The following SYN3 variants were observed in gnomAD, a reference collection of about 807,000 sequenced individuals.
The protein encoded by SYN3 is synapsin III, also known as synapsin-3.
In SYN3, 35 loss-of-function variants were observed where a neutral mutation model predicts 65.8. The ratio of observed to expected loss-of-function variants is 0.53; its 90% CI spans 0.41 to 0.70. SYN3 has a LOEUF of 0.70. SYN3 is among the 30% of genes least tolerant of loss of function. The pLI is 0.00. For missense variants in SYN3, 680 were observed against 749.0 expected, an observed-to-expected ratio of 0.91 and a Z score of 1.08; for synonymous variants, 270 against 292.9, an observed-to-expected ratio of 0.92 and a Z score of 0.80.
chr22:32,768,839 C>T (rs541651888), intron 6 of SYN3, among the ~76,000 whole-genome samples: 4 of 152,210 alleles, frequency 2.6e-5, no homozygotes, highest in East Asian at 1.9e-4. Flanking sequence ...TTCTCAGTGA[C>T]GATGATTTTG....
intron 6 of SYN3, among the ~76,000 whole-genome samples, chr22:32,713,843 A>G (rs891329533): frequency 6.6e-6 from 1 of 151,982 alleles, no homozygotes. Context: ...AAAAAAAAAA[A>G]AAAAGAAAAC....
intron 7 of SYN3, among the ~76,000 whole-genome samples, chr22:32,546,444 G>A (rs774472375): frequency 2.0e-5 from 3 of 152,174 alleles, no homozygotes; most frequent in Admixed American, 1.3e-4. Context: ...TCTTGGGTAG[G>A]TGCTACGCTC....
chr22:32,518,488 T>A, intron 12 of SYN3, 154 bp from the exon 13 acceptor site: 1 of 887,310 alleles, frequency 1.1e-6, no homozygotes, highest in Non-Finnish European at 1.8e-6. Context: ...CATAAGGAAG[T>A]AATTAGGAAC....
chr22:32,952,889 G>C (rs1395655846), intron 3 of SYN3, among the ~76,000 whole-genome samples: 1 of 152,212 alleles, frequency 6.6e-6, no homozygotes, highest in Admixed American at 6.5e-5. Flanking sequence ...CTGCCTTGCT[G>C]TACAACTTTG....
chr22:33,023,161 G>A (rs1256351977), intron 1 of SYN3, among the ~76,000 whole-genome samples: 1 of 152,174 alleles, frequency 6.6e-6, no homozygotes, highest in Admixed American at 6.5e-5. Flanking sequence ...ACCAGCTTGG[G>A]AAACGCAGGG....
chr22:32,885,113 C>T (rs1373025199), intron 4 of SYN3, among the ~76,000 whole-genome samples: 1 of 151,244 alleles, frequency 6.6e-6, no homozygotes, highest in African/African-American at 2.4e-5. Flanking sequence ...AATGGAATGT[C>T]ATGTATAAAA....
intron 1 of SYN3, among the ~76,000 whole-genome samples, chr22:33,045,611 G>A (rs1406087540): frequency 2.6e-5 from 4 of 151,636 alleles, no homozygotes; most frequent in Admixed American, 6.6e-5. Flanking sequence ...ACAGGCGCCC[G>A]CCACTACACC....
intron 7 of SYN3, among the ~76,000 whole-genome samples, chr22:32,556,735 TG>T (rs2058502170): frequency 6.8e-6 from 1 of 146,562 alleles, no homozygotes. Context: ...TGGGGTGGGC[TG>T]GGGGGAGGAG....
At chr22:33,046,332 C>T (rs1482802335) in intron 1 of SYN3, among the ~76,000 whole-genome samples, 1 of 152,202 alleles carries the variant, frequency 6.6e-6, no homozygotes, top group Non-Finnish European at 1.5e-5. Flanking sequence ...CAATCCAACT[C>T]TTGGGTATTT....
intron 2 of SYN3, among the ~76,000 whole-genome samples, chr22:32,988,194 C>A (rs28542330): frequency 6.6e-6 from 1 of 151,910 alleles, no homozygotes; most frequent in Non-Finnish European, 1.5e-5. Flanking sequence ...GTAATCCCAG[C>A]TACTTGGGAG....
intron 3 of SYN3, 78 bp downstream of exon 3, chr22:32,980,567 G>A (rs2052340830): frequency 7.6e-7 from 1 of 1,324,456 alleles, no homozygotes; most frequent in Middle Eastern, 1.8e-4. Flanking sequence ...ATAAGATGGG[G>A]ACCAAGATTG....
chr22:32,954,619 A>C (rs748753753), intron 3 of SYN3, among the ~76,000 whole-genome samples: 4 of 152,186 alleles, frequency 2.6e-5, no homozygotes, highest in Non-Finnish European at 5.9e-5. Flanking sequence ...GGGTGCATTA[A>C]GATCAAGATG....
At chr22:32,515,815 T>C (rs192959164) in intron 13 of SYN3, among the ~76,000 whole-genome samples, 473 of 152,258 alleles carry the variant, frequency 3.1e-3, no homozygotes, top group Non-Finnish European at 3.8e-3. Flanking sequence ...TTTTTTTTTT[T>C]CGAGATGGAG....
chr22:32,939,201 C>A (rs2050867654), intron 3 of SYN3, among the ~76,000 whole-genome samples: 3 of 151,924 alleles, frequency 2.0e-5, no homozygotes, highest in African/African-American at 7.3e-5. Context: ...GAGTTTATAA[C>A]CTGTAGAAGT....
At chr22:32,979,789 C>T (rs943809701) in intron 3 of SYN3, among the ~76,000 whole-genome samples, 3 of 152,124 alleles carry the variant, frequency 2.0e-5, no homozygotes, top group African/African-American at 4.8e-5. Context: ...GCTATTATTG[C>T]CCCAGTTGGA....
At chr22:32,884,628 C>T (rs1351226426) in intron 4 of SYN3, among the ~76,000 whole-genome samples, 1 of 152,128 alleles carries the variant, frequency 6.6e-6, no homozygotes, top group Non-Finnish European at 1.5e-5. Flanking sequence ...TCCTGTAACC[C>T]CCAGAACTTT....
intron 1 of SYN3, among the ~76,000 whole-genome samples, chr22:33,051,407 G>A (rs2054162857): frequency 6.6e-6 from 1 of 152,156 alleles, no homozygotes; most frequent in South Asian, 2.1e-4. Context: ...AGTGGTTCTT[G>A]CTAGCAGTTT....
At chr22:32,778,840 C>T (rs939201200) in intron 6 of SYN3, among the ~76,000 whole-genome samples, 1 of 152,164 alleles carries the variant, frequency 6.6e-6, no homozygotes, top group Non-Finnish European at 1.5e-5. Flanking sequence ...AGGACTTTTA[C>T]TATCAATAAT....
intron 6 of SYN3, among the ~76,000 whole-genome samples, chr22:32,661,089 T>C (rs1400216011): frequency 1.3e-5 from 2 of 152,250 alleles, no homozygotes; most frequent in Non-Finnish European, 2.9e-5. Flanking sequence ...CTGAGTCTAG[T>C]GCCCACCAGA....
Sources: allele counts gnomAD v4.1 joint callset (sites outside exome capture counted in the v4.1 genomes callset), GRCh38; gene constraint gnomAD v4.1.1; transcripts MANE v1.5; gene names NCBI Gene and HGNC (gene_info 2026-07-23, HGNC 2026-07-21).